ZIM2: variants seen among roughly 807,000 people sequenced by gnomAD.
ZIM2 encodes the protein zinc finger protein 656.
Under a neutral mutation model 38.6 loss-of-function variants are expected in ZIM2, and 14 were observed. That is an observed-to-expected ratio of 0.36 (90% confidence interval 0.24 to 0.57). ZIM2 has a LOEUF of 0.57. ZIM2 is among the 20% of genes least tolerant of loss of function. The pLI is 0.81. For synonymous variants in ZIM2, 247 were observed against 245.8 expected, an observed-to-expected ratio of 1.00 and a Z score of -0.04; for missense variants, 680 against 695.1, an observed-to-expected ratio of 0.98 and a Z score of 0.24.
At position 56,811,654 on chromosome 19, in the gene ZIM2, C is replaced by G. The variant is rs893602498; in HGVS notation, c.490+6092G>C. The stretch of plus-strand genomic sequence containing the variant: ...GTACCCACAAAGTTCACCCCGACAT[C>G]AACACTGATTCTCGTTTCAAGAGTC... On this transcript the variant is annotated intron_variant, in intron 9 of 12. Transcript: ENST00000629319. 3.0e-6 allele frequency: 3 copies of G among 985,306 alleles called. No homozygotes were observed. In the African/African-American group the frequency reaches 5.2e-5, roughly 17 times the overall value. The allele number at this position is 985,306 out of a possible 1,614,324, so 61.0% of individuals were successfully genotyped here.
At position 56,774,832 on chromosome 19, in the gene ZIM2, A is replaced by G. The variant is rs1600689278; in HGVS notation, c.1533T>C (p.Tyr511=). The G allele has an allele frequency of 3.0e-5, 49 of 1,614,024 alleles. No individual in the cohort carries two copies. Among genetic ancestry groups the G allele is most frequent in the Non-Finnish European group, 4.1e-5 (48 of 1,180,046 alleles). The change falls in exon 13 of 13, where the codon TAT becomes TAC. Residue 511 remains tyrosine, a synonymous_variant. Coordinates refer to ENST00000629319, the MANE Select transcript of ZIM2 (RefSeq NM_001387356.1). ...DCGRVFSRNS[Y]LIQHYRTHTQ... ...TGTGAGTTCTATAATGCTGAATGAGATATGAATTCCGACTGAAGACTCTGC... is the reference window on the plus strand; with the variant it reads ...TGTGAGTTCTATAATGCTGAATGAGGTATGAATTCCGACTGAAGACTCTGC...
chr19:56,782,571 A>G (rs1356155268), intron 10 of ZIM2: 1 of 385,168 alleles, frequency 2.6e-6, no homozygotes, highest in Non-Finnish European at 5.1e-6. Context: ...ATACCCATTC[A>G]ATTAAGTATT....
chr19:56,835,731 G>T (rs912947672), intron 2 of ZIM2, among the ~76,000 whole-genome samples: 3 of 152,236 alleles, frequency 2.0e-5, no homozygotes, highest in Admixed American at 2.0e-4. Flanking sequence ...ATGAGTGGAT[G>T]AATCTCTCAT....
Position 56,814,633 on chromosome 19 carries a change from G to A in ZIM2, c.490+3113C>T, listed in dbSNP as rs1187075772. The A allele has an allele frequency of 3.7e-6, 6 of 1,614,044 alleles. No homozygotes were observed. Among genetic ancestry groups the A allele is most frequent in the African/African-American group, 1.3e-5 (1 of 74,920 alleles). On this transcript the variant is annotated intron_variant, in intron 9 of 12. Transcript: ENST00000629319. The surrounding 1 kb of genome is among the most constrained non-coding windows in gnomAD (Gnocchi z 5.8). ...TTCGGTCTGACTTCTCTGAAACTCA[G>A]TGAGGGCTAAGCCTGGAATGATAGC...
chr19:56,806,598 G>C (rs1221050556), intron 9 of ZIM2, among the ~76,000 whole-genome samples: 1 of 152,186 alleles, frequency 6.6e-6, no homozygotes, highest in Admixed American at 6.5e-5. Flanking sequence ...AAGAACAGGA[G>C]AATGTATATT....
rs541550824 is a variant in ZIM2 at position 56,774,970 on chromosome 19, A to G, written c.1395T>C (p.His465=). The G allele has an allele frequency of 1.4e-5, 22 of 1,614,092 alleles. No homozygotes were observed. In the African/African-American group the frequency reaches 2.3e-4, roughly 17 times the overall value. Residue 465 remains histidine, a synonymous_variant, in exon 13 of 13, where the codon CAT becomes CAC. Transcript: ENST00000629319. ...NVHLLQHLKA[H]EAARVLPPGL... is the part of the protein sequence containing the mutation. ...CAGGAGGAAGGACTCTTGCTGCCTC[A>G]TGGGCTTTGAGATGTTGAAGAAGAT...
rs35430215 is a variant in ZIM2 at position 56,823,674 on chromosome 19, T to A, written c.22A>T (p.Asn8Tyr). Reference sequence around the variant, plus strand: ...TCGTCGCTGGTCACGTCACTGTTGTTGTCGTCTAAGAGGACACCGGTCGCC... The same window carrying A: ...TCGTCGCTGGTCACGTCACTGTTGTAGTCGTCTAAGAGGACACCGGTCGCC... MYQPEDD[N>Y]NSDVTSDDDM... The change falls in exon 5 of 13, where the codon AAC (asparagine) becomes TAC (tyrosine). Residue 8 changes from asparagine (N) to tyrosine (Y), a missense_variant. Coordinates refer to ENST00000629319, the MANE Select transcript of ZIM2 (RefSeq NM_001387356.1). 1.2e-6 allele frequency: 2 copies of A among 1,614,048 alleles called. No homozygotes were observed. The highest frequency in any genetic ancestry group is 2.7e-5 in the African/African-American group (2 of 74,912).
intron 9 of ZIM2, among the ~76,000 whole-genome samples, chr19:56,790,429 G>A (rs1346542384): frequency 6.6e-6 from 1 of 152,112 alleles, no homozygotes; most frequent in East Asian, 1.9e-4. Context: ...TGCCATTCTG[G>A]TGATGAAATC....
intron 2 of ZIM2, among the ~76,000 whole-genome samples, chr19:56,834,130 T>C (rs147876352): frequency 6.6e-4 from 100 of 152,338 alleles, no homozygotes; most frequent in Middle Eastern, 3.4e-3. Context: ...TATTTGACTA[T>C]ATTCTAATAA....
intron 5 of ZIM2, 64 bp downstream of exon 5, chr19:56,823,526 T>A: frequency 6.3e-7 from 1 of 1,597,488 alleles, no homozygotes; most frequent in Non-Finnish European, 8.6e-7. Context: ...CAACCCACTG[T>A]GTCTCCATCT....
intron 9 of ZIM2, chr19:56,811,722 A>G: frequency 1.0e-6 from 1 of 985,494 alleles, no homozygotes; most frequent in Non-Finnish European, 1.2e-6. Context: ...AGCTTTCCCG[A>G]TGTCCGTTCC....
chr19:56,823,734 T>C (rs572353236), intron 4 of ZIM2, 55 bp from the exon 5 acceptor site: 55 of 1,592,032 alleles, frequency 3.5e-5, no homozygotes, highest in Admixed American at 8.3e-5. Context: ...CTCACAATAG[T>C]TCCCCCCAAT....
chr19:56,804,537 C>G (rs1243488029), intron 9 of ZIM2, among the ~76,000 whole-genome samples: 3 of 152,216 alleles, frequency 2.0e-5, no homozygotes, highest in Admixed American at 6.5e-5. Context: ...GTTATTTCCT[C>G]TTCTACATGC....
At chr19:56,837,271 GCC>G (rs2062252371) in intron 1 of ZIM2, among the ~76,000 whole-genome samples, 1 of 151,980 alleles carries the variant, frequency 6.6e-6, no homozygotes, top group Non-Finnish European at 1.5e-5. Flanking sequence ...ACCCCCACCT[GCC>G]CAGGGCAGCC....
At chr19:56,823,048 C>A (rs1160228729) in intron 5 of ZIM2, among the ~76,000 whole-genome samples, 1 of 152,190 alleles carries the variant, frequency 6.6e-6, no homozygotes, top group Non-Finnish European at 1.5e-5. Context: ...CCAAGTGGGG[C>A]TTGCTTCCAA....
chr19:56,812,146 T>C lies in ZIM2; in HGVS notation c.490+5600A>G, dbSNP rs1446726091. The C allele has an allele frequency of 3.1e-6, 3 of 968,908 alleles. No individual in the cohort carries two copies. In the African/African-American group the frequency reaches 5.3e-5, roughly 17 times the overall value. The allele number at this position is 968,908 out of a possible 1,614,324, so 60.0% of individuals were successfully genotyped here. ...TTAAATTTTTTAAATTTTATATTTT[T>C]TTTCCAGCCAACTCAAGGCCAAAAA... is the stretch of plus-strand genomic sequence containing the variant. On this transcript the variant is annotated intron_variant, in intron 9 of 12. Coordinates refer to ENST00000629319, the MANE Select transcript of ZIM2 (RefSeq NM_001387356.1).
At position 56,775,578 on chromosome 19, in the gene ZIM2, GC is replaced by G. The variant is rs755877442; in HGVS notation, c.836-50del. 57 of 1,537,202 alleles carry G rather than the reference GC, an allele frequency of 3.7e-5. No homozygotes were observed. The East Asian group carries it at 1.2e-3, about 33-fold the overall frequency. On this transcript the variant is annotated intron_variant, in intron 12 of 12. Transcript: ENST00000629319. The stretch of plus-strand genomic sequence containing the variant: ...ACCTACCGCCCAATTATCCAATCCT[GC>G]CCCCCAATAATGATATTTCTATAGG...
chr19:56,777,467 A>G (rs1047007218), intron 12 of ZIM2, among the ~76,000 whole-genome samples: 3 of 152,148 alleles, frequency 2.0e-5, no homozygotes, highest in Admixed American at 6.5e-5. Context: ...GTGGACTTCA[A>G]TGGCCTCTTG....
chr19:56,795,789 C>T (rs2047188508), intron 9 of ZIM2, among the ~76,000 whole-genome samples: 1 of 151,914 alleles, frequency 6.6e-6, no homozygotes, highest in Non-Finnish European at 1.5e-5. Context: ...TACAGTGAGC[C>T]GAGATCGCGC....
Sources: gnomAD v4.1 joint callset for allele counts (sites outside exome capture counted in the v4.1 genomes callset) on GRCh38, gnomAD v4.1.1 for gene constraint, Gnocchi (gnomAD v3.1) non-coding constraint, MANE v1.5 for transcripts, NCBI Gene and HGNC (gene_info 2026-07-23, HGNC 2026-07-21) for gene names.